The following UBE4B variants were observed in gnomAD, a reference collection of about 807,000 sequenced individuals.
UBE4B encodes the protein ubiquitination factor E4B.
Under a neutral mutation model 148.1 loss-of-function variants are expected in UBE4B, and 27 were observed. The ratio of observed to expected loss-of-function variants is 0.18; its 90% confidence interval spans 0.13 to 0.25. The LOEUF is 0.25. Among genes scored for constraint, UBE4B ranks in the 10% least tolerant of loss-of-function variants. UBE4B has a pLI of 1.00. For synonymous variants in UBE4B, 596 were observed against 619.3 expected, an observed-to-expected ratio of 0.96 and a Z score of 0.56; for missense variants, 1,170 against 1,662.4, an observed-to-expected ratio of 0.70 and a Z score of 5.15.
At chr1:10,040,941 C>T (rs1169566860) in intron 1 of UBE4B, among the ~76,000 whole-genome samples, 2 of 152,100 alleles carry the variant, frequency 1.3e-5, no homozygotes, top group Non-Finnish European at 2.9e-5. Context: ...CCTCTTTGAC[C>T]ATTTCTTCCC....
intron 15 of UBE4B, among the ~76,000 whole-genome samples, chr1:10,133,304 G>A (rs1020649935): frequency 5.3e-5 from 8 of 152,164 alleles, no homozygotes; most frequent in African/African-American, 1.4e-4. Flanking sequence ...TGGTTCCACC[G>A]TTTACTAACT....
At chr1:10,116,285 G>A (rs570651618) in intron 7 of UBE4B, among the ~76,000 whole-genome samples, 1 of 152,294 alleles carries the variant, frequency 6.6e-6, no homozygotes, top group South Asian at 2.1e-4. Context: ...TGGGATTACA[G>A]ACGTGTGCCA....
chr1:10,068,355 CT>C (rs111908496), intron 1 of UBE4B, among the ~76,000 whole-genome samples: 117 of 130,784 alleles, frequency 8.9e-4, no homozygotes, highest in Middle Eastern at 5.2e-3. Flanking sequence ...TTTTCTTTTT[CT>C]TTTTTTTTTT....
rs758423694 is a variant in UBE4B, at chr1:10,106,373, G to T, written c.986G>T (p.Arg329Leu). The T allele has an allele frequency of 1.4e-5, 23 of 1,613,560 alleles. No individual in the cohort carries two copies. Among genetic ancestry groups the T allele is most frequent in the Non-Finnish European group, 1.9e-5 (23 of 1,179,724 alleles). Reference sequence around the variant, plus strand: ...GCGGGAAGCCAGCCTTCATCCCCGCGGTATCGCCCCTACACTGTCACTCAC... The same window carrying T: ...GCGGGAAGCCAGCCTTCATCCCCGCTGTATCGCCCCTACACTGTCACTCAC... ...TAAGSQPSSPRYRPYTVTHPW... is the reference protein window; with the variant it reads ...TAAGSQPSSPLYRPYTVTHPW... Residue 329 changes from arginine (R) to leucine (L), a missense_variant, in exon 7 of 28, where the codon CGG becomes CTG. Physicochemically the swap from Arg to Leu is moderately radical, Grantham distance 102. This residue lies in a region of UBE4B where 214 missense variants were observed against 209.1 expected (regional missense o/e 1.02). Coordinates refer to ENST00000343090, the MANE Select transcript of UBE4B (RefSeq NM_001105562.3). The surrounding 1 kb of genome is among the most constrained non-coding windows in gnomAD (Gnocchi z 4.2).
At chr1:10,122,741 A>C (rs1193656559) in intron 10 of UBE4B, among the ~76,000 whole-genome samples, 1 of 152,202 alleles carries the variant, frequency 6.6e-6, no homozygotes, top group Non-Finnish European at 1.5e-5. Context: ...GCCTTTAGCA[A>C]CTGTCACACA....
chr1:10,119,262 C>T (rs533454288), intron 8 of UBE4B, among the ~76,000 whole-genome samples: 2 of 152,154 alleles, frequency 1.3e-5, no homozygotes, highest in Admixed American at 1.3e-4. Flanking sequence ...TGTGAGCCAC[C>T]GCGCCTGGCC....
chr1:10,073,351 C>T (rs1644519754), intron 2 of UBE4B, among the ~76,000 whole-genome samples: 1 of 152,200 alleles, frequency 6.6e-6, no homozygotes, highest in Non-Finnish European at 1.5e-5. Context: ...CCCACCTACA[C>T]TGGAATAAGG....
chr1:10,039,876 T>TAGG (rs1378613637), intron 1 of UBE4B, among the ~76,000 whole-genome samples: 2 of 152,040 alleles, frequency 1.3e-5, no homozygotes, highest in Non-Finnish European at 2.9e-5. Context: ...TGTTGCTGTA[T>TAGG]AGGAGCGAGG....
At chr1:10,142,347 AAAC>A (rs1645796347) in intron 17 of UBE4B, among the ~76,000 whole-genome samples, 1 of 152,156 alleles carries the variant, frequency 6.6e-6, no homozygotes, top group Non-Finnish European at 1.5e-5. Context: ...TAGTCACTTA[AAAC>A]AACACATATT....
Position 10,168,261 on chromosome 1 carries a change from C to T in UBE4B, c.3324C>T (p.Phe1108=). Residue 1108 remains phenylalanine (F), a synonymous_variant, in exon 24 of 28, where the codon TTC becomes TTT. Transcript: ENST00000343090. The surrounding 1 kb of genome is among the most constrained non-coding windows in gnomAD (Gnocchi z 4.9). ...TCACGAAGCAGGTCCAGAAGCCCTT[C>T]CTCAGACCGGTGAGTAGAAACCCGG... ...HILTKQVQKP[F]LRPELGPRLA... is the part of the protein sequence containing the mutation. 1 of 1,614,130 alleles carries T rather than the reference C, an allele frequency of 6.2e-7. No homozygotes were observed. Among genetic ancestry groups the T allele is most frequent in the Non-Finnish European group, 8.5e-7 (1 of 1,180,016 alleles).
At chr1:10,153,490 T>TAA (rs1045427991) in intron 21 of UBE4B, among the ~76,000 whole-genome samples, 1,973 of 49,162 alleles carry the variant, frequency 0.04, 100 homozygotes, top group African/African-American at 0.085. Flanking sequence ...ACCCTGTTTC[T>TAA]AAAAAAAAAA....
chr1:10,104,807 G>A (rs935062302), intron 5 of UBE4B, among the ~76,000 whole-genome samples: 1 of 151,516 alleles, frequency 6.6e-6, no homozygotes, highest in Non-Finnish European at 1.5e-5. Context: ...TAAAACAAGT[G>A]TCTTACACAT....
At chr1:10,036,596 A>G (rs1047543711) in intron 1 of UBE4B, among the ~76,000 whole-genome samples, 2 of 151,986 alleles carry the variant, frequency 1.3e-5, no homozygotes, top group Admixed American at 6.6e-5. Context: ...CAGCCTCCCA[A>G]AGTGGGAGCC....
At chr1:10,137,933 T>C (rs1557588233) in intron 17 of UBE4B, among the ~76,000 whole-genome samples, 1 of 124,618 alleles carries the variant, frequency 8.0e-6, no homozygotes, top group Non-Finnish European at 1.7e-5. Context: ...TTTTTTTTTT[T>C]TTTTTTTTTT....
intron 21 of UBE4B, among the ~76,000 whole-genome samples, chr1:10,158,024 A>C (rs1646101840): frequency 6.6e-6 from 1 of 152,166 alleles, no homozygotes; most frequent in Non-Finnish European, 1.5e-5. Flanking sequence ...GGTGCCATAG[A>C]ATTTCTGTAA....
intron 11 of UBE4B, 46 bp from the exon 12 acceptor site, chr1:10,129,346 C>T (rs768003605): frequency 5.8e-6 from 9 of 1,547,286 alleles, no homozygotes; most frequent in Admixed American, 5.0e-5. Context: ...AAATGACAGT[C>T]AGTTTAAGAT....
At chr1:10,064,830 C>T (rs1644356654) in intron 1 of UBE4B, among the ~76,000 whole-genome samples, 1 of 150,914 alleles carries the variant, frequency 6.6e-6, no homozygotes, top group Non-Finnish European at 1.5e-5. Flanking sequence ...ATGGTGCAAT[C>T]TCTGCTCACT....
At chr1:10,178,012 C>T (rs1557622070) in intron 25 of UBE4B, among the ~76,000 whole-genome samples, 1 of 152,044 alleles carries the variant, frequency 6.6e-6, no homozygotes. Context: ...CACTCCACAA[C>T]TTCCCTTCCT....
rs141859758 is a variant in UBE4B at position 10,107,798 on chromosome 1, G to A, written c.1196+1215G>A. Among the ~76,000 whole-genome samples the A allele has an allele frequency of 1.0e-3, 154 of 152,034 alleles. 1 individual carries two copies. In the East Asian group the frequency reaches 0.027, roughly 26 times the overall value. Reference sequence around the variant, plus strand: ...TTGCCAGGTTGGCCAGGCTGGTCTCGAACTCCTGACCTCAAGTGATCTGCC... The same window carrying A: ...TTGCCAGGTTGGCCAGGCTGGTCTCAAACTCCTGACCTCAAGTGATCTGCC... On this transcript the variant is annotated intron_variant, in intron 7 of 27. Coordinates refer to ENST00000343090, the MANE Select transcript of UBE4B (RefSeq NM_001105562.3).
Sources: gnomAD v4.1 joint callset for allele counts (sites outside exome capture counted in the v4.1 genomes callset) on GRCh38, gnomAD v4.1.1 for gene constraint, gnomAD v4.1.1 regional missense constraint, Gnocchi (gnomAD v3.1) non-coding constraint, MANE v1.5 for transcripts, NCBI Gene and HGNC (gene_info 2026-07-23, HGNC 2026-07-21) for gene names.